Variants in APPL1 observed in about 807,000 individuals in gnomAD.
APPL1 encodes DCC-interacting protein 13-alpha.
A neutral mutation model predicts 106.8 loss-of-function variants in APPL1; 42 were observed. That is an observed-to-expected ratio of 0.39 (90% CI 0.31 to 0.51). The LOEUF (loss-of-function observed/expected upper bound fraction) is 0.51. Ranked by LOEUF, APPL1 falls within the 20% of genes least tolerant of loss-of-function variation. APPL1 has a pLI of 0.75. For synonymous variants in APPL1, 263 were observed against 281.8 expected (o/e 0.93, Z 0.67); for missense variants, 769 against 858.2 (o/e 0.90, Z 1.30).
rs980862024 is a variant in APPL1 at position 57,257,043 on chromosome 3, A to G, written c.1239A>G (p.Pro413=). ...AGCAGAGGCACGAGAGCCTGCGGCC[A>G]GCAGCAGGGTAAGTTACCACACTGA... is the stretch of plus-strand genomic sequence containing the variant. ...SFQQRHESLR[P]AAGQSRPPTA... Residue 413 remains proline (P), a synonymous_variant, in exon 14 of 22, where the codon CCA becomes CCG. Transcript: ENST00000288266. 4 of 1,614,030 alleles carry G rather than the reference A, an allele frequency of 2.5e-6. No homozygotes were observed. In the Admixed American group the frequency reaches 5.0e-5, roughly 20 times the overall value.
At chr3:57,230,080 T>C (rs185850857) in intron 1 of APPL1, among the ~76,000 whole-genome samples, 2 of 152,338 alleles carry the variant, frequency 1.3e-5, no homozygotes, top group African/African-American at 4.8e-5. Flanking sequence ...GCAATAAATT[T>C]GAACTAGGTA....
chr3:57,253,601 C>T, intron 12 of APPL1, 81 bp from the exon 13 acceptor site: 3 of 1,040,156 alleles, frequency 2.9e-6, no homozygotes, highest in Non-Finnish European at 1.3e-6. Context: ...ACATCTGTTG[C>T]AGTTGAGTAT....
chr3:57,268,034 A>C, intron 20 of APPL1: 1 of 538,806 alleles, frequency 1.9e-6, no homozygotes, highest in Non-Finnish European at 3.3e-6. Context: ...CGGAGGTTGC[A>C]ATGAGCCGAG....
intron 8 of APPL1, 86 bp from the exon 9 acceptor site, chr3:57,247,309 T>C (rs1269829625): frequency 2.2e-5 from 16 of 736,052 alleles, no homozygotes; most frequent in African/African-American, 5.4e-5. Context: ...TAACCATGTG[T>C]CTTAGAGATT....
At position 57,270,051 on chromosome 3, in the gene APPL1, T is replaced by A. The variant is rs939422680; in HGVS notation, c.*364T>A. ...TCATTTATTCTTCAGGCTTAGACAT[T>A]CATGGATATGCTTTTCTTTCATTAG... On this transcript the variant is annotated 3_prime_UTR_variant, in exon 22 of 22. Transcript: ENST00000288266. 1 of 160,508 alleles carries A rather than the reference T, an allele frequency of 6.2e-6. No individual in the cohort carries two copies. The highest frequency in any genetic ancestry group is 2.4e-5 in the African/African-American group (1 of 41,754). The allele number at this position is 160,508 out of a possible 1,614,324, so 9.9% of individuals were successfully genotyped here.
chr3:57,263,584 C>T (rs2060879096), intron 19 of APPL1, among the ~76,000 whole-genome samples: 1 of 152,120 alleles, frequency 6.6e-6, no homozygotes, highest in Non-Finnish European at 1.5e-5. Context: ...TTGCAAATGA[C>T]AGAATCTCAT....
chr3:57,259,987 A>G lies in APPL1; in HGVS notation c.1626A>G (p.Glu542=). ...RAIHNIFRMT[E]SHLLVTCDCL... ...TCCATAACATCTTTCGTATGACAGA[A>G]TCGCATTTATTAGTCACTTGTGACT... Residue 542 remains glutamate (E), a synonymous_variant, in exon 17 of 22, where the codon GAA becomes GAG. Transcript: ENST00000288266. The G allele has an allele frequency of 1.2e-6, 2 of 1,613,904 alleles. No individual in the cohort carries two copies. The highest frequency in any genetic ancestry group is 1.7e-6 in the Non-Finnish European group (2 of 1,179,980).
intron 2 of APPL1, 120 bp from the exon 3 acceptor site, chr3:57,237,372 A>C: frequency 1.4e-6 from 1 of 714,792 alleles, no homozygotes; most frequent in Non-Finnish European, 2.3e-6. Context: ...GATTTAATGA[A>C]GGTTTTAAAA....
intron 1 of APPL1, among the ~76,000 whole-genome samples, chr3:57,234,779 C>T (rs1016723724): frequency 6.6e-6 from 1 of 152,028 alleles, no homozygotes; most frequent in African/African-American, 2.4e-5. Context: ...CCTCAGCCTC[C>T]TGAGTAGCTG....
chr3:57,236,580 G>A (rs1291530108), intron 2 of APPL1, among the ~76,000 whole-genome samples: 7 of 152,086 alleles, frequency 4.6e-5, no homozygotes, highest in African/African-American at 1.4e-4. Context: ...TGCCCGCCTC[G>A]GCCTCCCAAA....
chr3:57,252,252 C>T lies in APPL1; in HGVS notation c.1053-17C>T, dbSNP rs756312530. ...CTTTTTTAAACAGTTGAGGCTCAAA[C>T]GTCTCTTCTCTTCCAGATCTTCAAT... On this transcript the variant is annotated splice_polypyrimidine_tract_variant and intron_variant, in intron 11 of 21. Coordinates refer to ENST00000288266, the MANE Select transcript of APPL1 (RefSeq NM_012096.3). 6.2e-6 allele frequency: 10 copies of T among 1,603,394 alleles called. No homozygotes were observed. The highest frequency in any genetic ancestry group is 3.4e-5 in the South Asian group (3 of 88,962).
chr3:57,245,067 C>G (rs1418713381), intron 7 of APPL1, among the ~76,000 whole-genome samples: 1 of 152,074 alleles, frequency 6.6e-6, no homozygotes, highest in Non-Finnish European at 1.5e-5. Context: ...CAGTTTTGTA[C>G]ATTTTTAGCA....
chr3:57,248,053 A>T, intron 9 of APPL1, 140 bp from the exon 10 acceptor site: 1 of 760,036 alleles, frequency 1.3e-6, no homozygotes, highest in Non-Finnish European at 2.0e-6. Flanking sequence ...GTTTTAAAAT[A>T]TATTCGTGTT....
chr3:57,236,621 C>G (rs1696863770), intron 2 of APPL1, among the ~76,000 whole-genome samples: 1 of 152,232 alleles, frequency 6.6e-6, no homozygotes, highest in South Asian at 2.1e-4. Context: ...AGCCACTGCA[C>G]CTGGCCAACA....
chr3:57,231,264 G>A (rs1027309326), intron 1 of APPL1, among the ~76,000 whole-genome samples: 6 of 150,156 alleles, frequency 4.0e-5, no homozygotes, highest in African/African-American at 1.5e-4. Context: ...ACTTGAACCC[G>A]GGAGGCGGGG....
In APPL1 at chr3:57,228,552, C is replaced by T. The variant is rs957207678; in HGVS notation, c.54+615C>T. Among the ~76,000 whole-genome samples, 1 of 152,250 alleles carries T rather than the reference C, an allele frequency of 6.6e-6. No homozygotes were observed. ...CGGCGAGGGATGGACGGTGCCTTCG[C>T]CGCTCCGCGACTGCTGCGCTGCTCC... On this transcript the variant is annotated intron_variant, in intron 1 of 21. Coordinates refer to ENST00000288266, the MANE Select transcript of APPL1 (RefSeq NM_012096.3). This position sits in a 1 kb window ranked among gnomAD's most constrained non-coding sequence, Gnocchi z 4.6.
rs2060958031 is a variant in APPL1, at chr3:57,273,192, T to G, written c.*3505T>G. 1 of 152,684 alleles carries G rather than the reference T, an allele frequency of 6.5e-6. No homozygotes were observed. The highest frequency in any genetic ancestry group is 2.4e-5 in the African/African-American group (1 of 41,476). 9.5% of individuals were successfully genotyped at this position (152,684 alleles called of 1,614,324 possible). The stretch of plus-strand genomic sequence containing the variant: ...CTAATATGCAAAATTGCTTTGTATA[T>G]TTGGTGATTTTGTAATGTAAGTGAA... On this transcript the variant is annotated 3_prime_UTR_variant, in exon 22 of 22. Coordinates refer to ENST00000288266, the MANE Select transcript of APPL1 (RefSeq NM_012096.3).
Position 57,247,387 on chromosome 3 carries a change from C to T in APPL1, c.622-8C>T. The T allele has an allele frequency of 6.4e-7, 1 of 1,573,256 alleles. No individual in the cohort carries two copies. The highest frequency in any genetic ancestry group is 1.4e-5 in the African/African-American group (1 of 73,914). On this transcript the variant is annotated splice_polypyrimidine_tract_variant and splice_region_variant and intron_variant, in intron 8 of 21. Transcript: ENST00000288266. ...ATTGTTCAATTCCCCCCACTCCCCA[C>T]TCTCCAGATAAGTTTCTTTAAGATG...
At chr3:57,266,831 C>T (rs918881822) in intron 19 of APPL1, among the ~76,000 whole-genome samples, 1 of 152,112 alleles carries the variant, frequency 6.6e-6, no homozygotes, top group Non-Finnish European at 1.5e-5. Context: ...CTTGCCAGAA[C>T]CATTTATTGA....
Sources: allele counts gnomAD v4.1 joint callset (sites outside exome capture counted in the v4.1 genomes callset), GRCh38; gene constraint gnomAD v4.1.1; non-coding constraint Gnocchi (gnomAD v3.1); transcripts MANE v1.5; gene names NCBI Gene and HGNC (gene_info 2026-07-23, HGNC 2026-07-21).